Variants in CXXC4 observed in about 807,000 individuals in gnomAD.
CXXC4 encodes the protein CXXC-type zinc finger protein 4.
A neutral mutation model predicts 20.5 loss-of-function variants in CXXC4; 5 were observed. That is an observed-to-expected ratio of 0.24 (90% CI 0.13 to 0.51). CXXC4 has a LOEUF of 0.51. Among genes scored for constraint, CXXC4 ranks in the 20% least tolerant of loss-of-function variants. CXXC4 has a pLI of 0.97. For missense variants in CXXC4, 419 were observed against 496.4 expected, an observed-to-expected ratio of 0.84 and a Z score of 1.48; for synonymous variants, 250 against 216.4, an observed-to-expected ratio of 1.16 and a Z score of -1.36.
At position 104,491,659 on chromosome 4, in the gene CXXC4, G is replaced by A. The variant is rs1736882887; in HGVS notation, c.144C>T (p.Ser48=). Residue 48 remains serine, a synonymous_variant, in exon 2 of 3, where the codon TCC becomes TCT. Coordinates refer to ENST00000394767, the MANE Select transcript of CXXC4 (RefSeq NM_025212.4). ...AGGCGCCCCCGTTGGTCTTGTAGAA[G>A]GAGGTGGCAAAGGAGCGGTAGCGCT... ...EMERYRSFAT[S]FYKTNGGAFP... The A allele has an allele frequency of 3.2e-6, 5 of 1,541,824 alleles. No homozygotes were observed. The highest frequency in any genetic ancestry group is 4.4e-6 in the Non-Finnish European group (5 of 1,142,960).
In CXXC4 at chr4:104,472,151, G is replaced by T. The variant is rs1297042264; in HGVS notation, c.*171C>A. 7.0e-6 allele frequency: 3 copies of T among 429,716 alleles called. No individual in the cohort carries two copies. Among genetic ancestry groups the T allele is most frequent in the Non-Finnish European group, 1.3e-5 (3 of 237,890 alleles). 26.6% of individuals were successfully genotyped at this position (429,716 alleles called of 1,614,324 possible). On this transcript the variant is annotated 3_prime_UTR_variant, in exon 3 of 3. Coordinates refer to ENST00000394767, the MANE Select transcript of CXXC4 (RefSeq NM_025212.4). ...CTCCAAGCTCTCACATTATTTTTATGTCTTTTTCTTTTCTTTTCCTCTTTT... is the reference window on the plus strand; with the variant it reads ...CTCCAAGCTCTCACATTATTTTTATTTCTTTTTCTTTTCTTTTCCTCTTTT...
Position 104,491,524 on chromosome 4 carries a change from G to T in CXXC4, c.279C>A (p.Asn93Lys). ...RIGMSPWNCD[N>K]AATAAAATAM... ...CGGTGGCGGCGGCGGCGGTGGCCGC[G>T]TTGTCGCAGTTCCAGGGGGACATGC... Residue 93 changes from asparagine (N) to lysine (K), a missense_variant, in exon 2 of 3, where the codon AAC (asparagine) becomes AAA (lysine). By Grantham distance (94) the Asn-to-Lys change is moderately conservative. Around this residue, in one of 3 missense-constraint regions of CXXC4, gnomAD observed 388 missense variants for 416.0 expected, o/e 0.93. Transcript: ENST00000394767. The T allele has an allele frequency of 2.9e-6, 4 of 1,356,568 alleles. No homozygotes were observed. Among genetic ancestry groups the T allele is most frequent in the Non-Finnish European group, 3.8e-6 (4 of 1,045,416 alleles). 84.0% of individuals were successfully genotyped at this position (1,356,568 alleles called of 1,614,324 possible).
At chr4:104,477,399 G>A (rs1736439250) in intron 2 of CXXC4, among the ~76,000 whole-genome samples, 1 of 152,012 alleles carries the variant, frequency 6.6e-6, no homozygotes, top group Non-Finnish European at 1.5e-5. Flanking sequence ...ATTGGAAACT[G>A]TATTACGTAT....
Position 104,491,127 on chromosome 4 carries a change from T to G in CXXC4, c.676A>C (p.Ile226Leu). 1 of 1,614,020 alleles carries G rather than the reference T, an allele frequency of 6.2e-7. No individual in the cohort carries two copies. Among genetic ancestry groups the G allele is most frequent in the Non-Finnish European group, 8.5e-7 (1 of 1,179,992 alleles). ...KLKCGAAEAE[I>L]MNLPERVGTF... ...CCCACGCGCTCGGGGAGATTCATTA[T>G]CTCTGCTTCAGCAGCGCCGCATTTG... The change falls in exon 2 of 3, where the codon ATA becomes CTA. Residue 226 changes from isoleucine to leucine, a missense_variant. By Grantham distance (5) the Ile-to-Leu change is conservative (BLOSUM62 2). Coordinates refer to ENST00000394767, the MANE Select transcript of CXXC4 (RefSeq NM_025212.4).
rs1290816405 is a variant in CXXC4, at chr4:104,468,961, C to T, written c.*3361G>A. ...ATTGAAAGGAAGAGAATATTCCTTT[C>T]TTTTAGTGATTGCTTAATATTAATT... On this transcript the variant is annotated 3_prime_UTR_variant, in exon 3 of 3. Coordinates refer to ENST00000394767, the MANE Select transcript of CXXC4 (RefSeq NM_025212.4). The T allele has an allele frequency of 6.6e-6, 1 of 152,000 alleles. No individual in the cohort carries two copies. The highest frequency in any genetic ancestry group is 6.6e-5 in the Admixed American group (1 of 15,214). The allele number at this position is 152,000 out of a possible 1,614,324, so 9.4% of individuals were successfully genotyped here. A position where few individuals can be genotyped will look rare whatever the true frequency, so the allele number is the denominator to read the frequency against.
intron 2 of CXXC4, among the ~76,000 whole-genome samples, chr4:104,479,082 G>A (rs540618928): frequency 5.3e-5 from 8 of 152,180 alleles, no homozygotes; most frequent in African/African-American, 1.7e-4. Flanking sequence ...AGCATTAGGT[G>A]AGTTCATTGG....
rs1028185904 is a variant in CXXC4, at chr4:104,491,975, G to A, written c.-173C>T. On this transcript the variant is annotated 5_prime_UTR_variant, in exon 2 of 3. Transcript: ENST00000394767. ...GGGTGGGGAGAGCAAGGTGAGGGCT[G>A]CTTTATTCCTCTCTGGGGCTCATTT... 10 of 414,562 alleles carry A rather than the reference G, an allele frequency of 2.4e-5. No homozygotes were observed. The highest frequency in any genetic ancestry group is 4.1e-5 in the African/African-American group (2 of 48,448). 25.7% of individuals were successfully genotyped at this position (414,562 alleles called of 1,614,324 possible). A position where few individuals can be genotyped will look rare whatever the true frequency, so the allele number is the denominator to read the frequency against.
At chr4:104,492,887 T>C (rs919134348) in intron 1 of CXXC4, among the ~76,000 whole-genome samples, 8 of 152,192 alleles carry the variant, frequency 5.3e-5, no homozygotes, top group African/African-American at 1.9e-4. Flanking sequence ...TATTTATTTA[T>C]ATCAGCAATG....
rs532524986 is a variant in CXXC4 at position 104,491,307 on chromosome 4, TGCCGCCGCC to T, written c.487_495del (p.Gly163_Gly165del). On this transcript the variant is annotated inframe_deletion, in exon 2 of 3. Coordinates refer to ENST00000394767, the MANE Select transcript of CXXC4 (RefSeq NM_025212.4). The stretch of plus-strand genomic sequence containing the variant: ...TTTCGGTGGTGCATGCTGGTCCTGC[TGCCGCCGCC>T]GCCGCCGCCGCCGCCACCGCCGGCG... 325 of 1,572,920 alleles carry T rather than the reference TGCCGCCGCC, an allele frequency of 2.1e-4. 2 individuals carry two copies. The highest frequency in any genetic ancestry group is 7.4e-4 in the South Asian group (64 of 86,974).
At chr4:104,483,299 A>G (rs2110275311) in intron 2 of CXXC4, among the ~76,000 whole-genome samples, 1 of 152,134 alleles carries the variant, frequency 6.6e-6, no homozygotes, top group African/African-American at 2.4e-5. Flanking sequence ...AGCAAAGCAT[A>G]CATCCATAAT....
intron 1 of CXXC4, 142 bp from the exon 2 acceptor site, chr4:104,492,201 A>ACCCCCCCCCCCCCCCC (rs1162003749): frequency 1.8e-5 from 2 of 109,504 alleles, no homozygotes; most frequent in Non-Finnish European, 3.8e-5. Context: ...TCAAGACGTG[A>ACCCCCCCCCCCCCCCC]CCCCCCCCAG....
In CXXC4 at chr4:104,472,317, C is replaced by G. The variant is rs750882743; in HGVS notation, c.*5G>C. 8 of 1,596,390 alleles carry G rather than the reference C, an allele frequency of 5.0e-6. No individual in the cohort carries two copies. The highest frequency in any genetic ancestry group is 6.0e-6 in the Non-Finnish European group (7 of 1,168,786). ...AATGCCTTGAAAATAAGATATACTACTGCTTTAAAAGAACCATCGGAATGC... is the reference window on the plus strand; with the variant it reads ...AATGCCTTGAAAATAAGATATACTAGTGCTTTAAAAGAACCATCGGAATGC... On this transcript the variant is annotated 3_prime_UTR_variant, in exon 3 of 3. Coordinates refer to ENST00000394767, the MANE Select transcript of CXXC4 (RefSeq NM_025212.4).
In CXXC4 at chr4:104,471,225, T is replaced by C. The variant is rs961062518; in HGVS notation, c.*1097A>G. 4 of 152,004 alleles carry C rather than the reference T, an allele frequency of 2.6e-5. 1 individual carries two copies. The South Asian group carries it at 8.3e-4, about 32-fold the overall frequency. The allele number at this position is 152,004 out of a possible 1,614,324, so 9.4% of individuals were successfully genotyped here. A position where few individuals can be genotyped will look rare whatever the true frequency, so the allele number is the denominator to read the frequency against. On this transcript the variant is annotated 3_prime_UTR_variant, in exon 3 of 3. Transcript: ENST00000394767. ...TGCCTCAAGGCAGAAGCCCTCAACA[T>C]ATTCAAGTGTTAAAACTACCCATTT...
At chr4:104,481,513 A>G (rs192030701) in intron 2 of CXXC4, among the ~76,000 whole-genome samples, 33 of 152,120 alleles carry the variant, frequency 2.2e-4, no homozygotes, top group Middle Eastern at 3.4e-3. Context: ...AGACTGGCCA[A>G]CAGACCAAGA....
At chr4:104,492,106 TA>T (rs1476820578) in intron 1 of CXXC4, 47 bp from the exon 2 acceptor site, 9 of 233,942 alleles carry the variant, frequency 3.8e-5, no homozygotes, top group Non-Finnish European at 5.8e-5. Flanking sequence ...GGAAAAAGAT[TA>T]AAAATAAACA....
chr4:104,490,265 C>T (rs556304393), intron 2 of CXXC4, among the ~76,000 whole-genome samples: 2 of 152,234 alleles, frequency 1.3e-5, no homozygotes, highest in South Asian at 2.1e-4. Context: ...TTGAATACTG[C>T]TGTGTGGTTT....
At chr4:104,490,638 C>G in intron 2 of CXXC4, 106 bp downstream of exon 2, 1 of 1,058,186 alleles carries the variant, frequency 9.5e-7, no homozygotes, top group Non-Finnish European at 1.4e-6. Context: ...AATGAAGCTT[C>G]TGAGAAGGGG....
Position 104,490,907 on chromosome 4 carries a change from T to A in CXXC4, c.896A>T (p.Asn299Ile). ...CCTTTTCCTCTTCTTCTTGGCTGGG[T>A]TGGCTCCGCCAGCTCCCCCTGAGGA... ...SSSSGGAGGA[N>I]PAKKKRKRCG... Residue 299 changes from asparagine to isoleucine, a missense_variant, in exon 2 of 3, where the codon AAC becomes ATC. By Grantham distance (149) the Asn-to-Ile change is moderately radical. Coordinates refer to ENST00000394767, the MANE Select transcript of CXXC4 (RefSeq NM_025212.4). 6.2e-7 allele frequency: 1 copy of A among 1,614,098 alleles called. No individual in the cohort carries two copies. The highest frequency in any genetic ancestry group is 8.5e-7 in the Non-Finnish European group (1 of 1,180,010).
At chr4:104,492,118 A>C in intron 1 of CXXC4, 59 bp from the exon 2 acceptor site, 6 of 192,820 alleles carry the variant, frequency 3.1e-5, no homozygotes, top group Admixed American at 6.1e-5. Context: ...AAAATAAACA[A>C]CCTCCCTCAC....
Sources: gnomAD v4.1 joint callset for allele counts (sites outside exome capture counted in the v4.1 genomes callset) on GRCh38, gnomAD v4.1.1 for gene constraint, gnomAD v4.1.1 regional missense constraint, MANE v1.5 for transcripts, NCBI Gene and HGNC (gene_info 2026-07-23, HGNC 2026-07-21) for gene names.